Variants in CSMD3 observed in about 807,000 individuals in gnomAD.
The protein encoded by CSMD3 is CUB and Sushi multiple domains 3, also known as CUB and sushi domain-containing protein 3.
Under a neutral mutation model 435.2 loss-of-function variants are expected in CSMD3, and 177 were observed. The observed-to-expected ratio is 0.41, with a 90% confidence interval of 0.36 to 0.46. CSMD3 has a LOEUF of 0.46. Among genes scored for constraint, CSMD3 ranks in the 20% least tolerant of loss-of-function variants. CSMD3 has a pLI of 0.34. For missense variants in CSMD3, 4,265 were observed against 4,504.6 expected (o/e 0.95, Z 1.52); for synonymous variants, 1,656 against 1,520.5 (o/e 1.09, Z -2.07).
rs185230817 is a variant in CSMD3 at position 112,944,945 on chromosome 8, T to C, written c.1508+2845A>G. Among the ~76,000 whole-genome samples the C allele has an allele frequency of 6.6e-3, 1,001 of 151,814 alleles. 9 individuals are homozygous for C. The highest frequency in any genetic ancestry group is 0.022 in the African/African-American group (904 of 41,518). Reference sequence around the variant, plus strand: ...AAAATGATGTTTAACATTTTTATAATATGTATATATGCCTATGGTTCCCTG... The same window carrying C: ...AAAATGATGTTTAACATTTTTATAACATGTATATATGCCTATGGTTCCCTG... On this transcript the variant is annotated intron_variant, in intron 9 of 70. Coordinates refer to ENST00000297405, the MANE Select transcript of CSMD3 (RefSeq NM_198123.2).
intron 12 of CSMD3, among the ~76,000 whole-genome samples, chr8:112,825,551 CTGTT>C (rs1463538982): frequency 2.0e-5 from 3 of 152,036 alleles, no homozygotes; most frequent in Non-Finnish European, 4.4e-5. Context: ...TTGTTCCTTT[CTGTT>C]TGTTTGTTTT....
chr8:113,244,209 C>A (rs555044554), intron 3 of CSMD3, among the ~76,000 whole-genome samples: 21 of 152,298 alleles, frequency 1.4e-4, no homozygotes, highest in Admixed American at 2.6e-4. Flanking sequence ...TTTGGTATCA[C>A]AACAAATAAA....
At chr8:113,093,314 T>A (rs1027486838) in intron 5 of CSMD3, among the ~76,000 whole-genome samples, 1 of 151,928 alleles carries the variant, frequency 6.6e-6, no homozygotes, top group African/African-American at 2.4e-5. Flanking sequence ...TGCCATCATA[T>A]ACAGAATGGA....
In CSMD3 at chr8:113,411,808, T is replaced by C. The variant is rs574991966; in HGVS notation, c.178+24869A>G. On this transcript the variant is annotated intron_variant, in intron 1 of 70. Coordinates refer to ENST00000297405, the MANE Select transcript of CSMD3 (RefSeq NM_198123.2). ...GGGAATATGCTACCTACAGTTTTAG[T>C]GAAAAACTCTTTTAGCACATCATGG... Among the ~76,000 whole-genome samples, 39 of 152,282 alleles carry C rather than the reference T, an allele frequency of 2.6e-4. 1 individual carries two copies. In the South Asian group the frequency reaches 7.4e-3, roughly 29 times the overall value.
intron 1 of CSMD3, among the ~76,000 whole-genome samples, chr8:113,413,836 A>G (rs2094570096): frequency 6.6e-6 from 1 of 152,198 alleles, no homozygotes; most frequent in Non-Finnish European, 1.5e-5. Context: ...CTTTCTTCCA[A>G]AAGTTTTTAT....
At chr8:112,588,546 T>C (rs1586745009) in intron 22 of CSMD3, among the ~76,000 whole-genome samples, 1 of 152,060 alleles carries the variant, frequency 6.6e-6, no homozygotes, top group East Asian at 1.9e-4. Flanking sequence ...AATAGATATG[T>C]CCTTATGCTT....
chr8:112,886,994 C>T (rs1298154481), intron 10 of CSMD3, among the ~76,000 whole-genome samples: 1 of 151,228 alleles, frequency 6.6e-6, no homozygotes, highest in Non-Finnish European at 1.5e-5. Context: ...TTTAAGTGGA[C>T]CTTGAGTGCA....
intron 1 of CSMD3, among the ~76,000 whole-genome samples, chr8:113,430,367 T>C (rs1182321139): frequency 1.4e-5 from 2 of 140,068 alleles, no homozygotes; most frequent in Non-Finnish European, 3.1e-5. Context: ...GATATTGTCA[T>C]GTATTTTTTT....
chr8:112,982,460 C>G (rs2085089103), intron 6 of CSMD3, among the ~76,000 whole-genome samples: 1 of 151,878 alleles, frequency 6.6e-6, no homozygotes, highest in Admixed American at 6.6e-5. Context: ...GTTGAGACAC[C>G]TGTCATCTCT....
At chr8:113,248,957 T>A (rs778934563) in intron 3 of CSMD3, among the ~76,000 whole-genome samples, 2 of 152,088 alleles carry the variant, frequency 1.3e-5, no homozygotes, top group Non-Finnish European at 2.9e-5. Flanking sequence ...TTGGTATGGT[T>A]TGGCTGTGTC....
chr8:113,077,162 G>C (rs2089375402), intron 5 of CSMD3, among the ~76,000 whole-genome samples: 1 of 151,990 alleles, frequency 6.6e-6, no homozygotes. Context: ...GAATAATTTT[G>C]ATGGATTCTA....
chr8:112,652,071 A>T (rs2075141494), intron 18 of CSMD3, among the ~76,000 whole-genome samples: 1 of 152,156 alleles, frequency 6.6e-6, no homozygotes, highest in South Asian at 2.1e-4. Flanking sequence ...CGTATAGCCA[A>T]AACATGTTTT....
intron 3 of CSMD3, among the ~76,000 whole-genome samples, chr8:113,256,696 G>C (rs374800731): frequency 1.3e-5 from 2 of 152,274 alleles, no homozygotes; most frequent in Admixed American, 6.5e-5. Flanking sequence ...AGGAGGAGTA[G>C]GATAGTTTGG....
chr8:112,605,604 C>A (rs1003931431), intron 22 of CSMD3, among the ~76,000 whole-genome samples: 5 of 132,872 alleles, frequency 3.8e-5, no homozygotes, highest in Admixed American at 1.5e-4. Context: ...AAGAAGGGAA[C>A]AATAAACACA....
At chr8:113,311,852 CTATAT>C (rs1439097443) in intron 2 of CSMD3, 1 of 152,010 alleles carries the variant, frequency 6.6e-6, no homozygotes, top group Non-Finnish European at 1.5e-5. Context: ...ACTCTAAAGA[CTATAT>C]TATAACATAG....
chr8:113,286,206 T>C (rs757989710), intron 2 of CSMD3, among the ~76,000 whole-genome samples: 104 of 152,160 alleles, frequency 6.8e-4, no homozygotes, highest in Non-Finnish European at 6.0e-4. Context: ...CATGTGATCC[T>C]GTCTCTTCTC....
intron 13 of CSMD3, among the ~76,000 whole-genome samples, chr8:112,762,252 T>C (rs2077857830): frequency 6.6e-6 from 1 of 151,996 alleles, no homozygotes; most frequent in African/African-American, 2.4e-5. Context: ...ACTTAAGTTC[T>C]AGTTTTGGAT....
At chr8:113,265,586 C>A (rs1301557989) in intron 3 of CSMD3, among the ~76,000 whole-genome samples, 1 of 151,438 alleles carries the variant, frequency 6.6e-6, no homozygotes, top group Non-Finnish European at 1.5e-5. Context: ...TTTATACCTT[C>A]CTGGATAAAA....
intron 13 of CSMD3, among the ~76,000 whole-genome samples, chr8:112,772,308 G>A (rs184231807): frequency 6.6e-5 from 10 of 151,926 alleles, no homozygotes; most frequent in Non-Finnish European, 1.5e-4. Flanking sequence ...ACCCTACCCC[G>A]AACCCTGTGA....
Sources: gnomAD v4.1 joint callset for allele counts (sites outside exome capture counted in the v4.1 genomes callset) on GRCh38, gnomAD v4.1.1 for gene constraint, MANE v1.5 for transcripts, NCBI Gene and HGNC (gene_info 2026-07-23, HGNC 2026-07-21) for gene names.